The following AFF2 variants were observed in gnomAD, a reference collection of about 807,000 sequenced individuals.
The protein encoded by AFF2 is ALF transcription elongation factor 2, also known as AF4/FMR2 family member 2.
A neutral mutation model predicts 76.9 loss-of-function variants in AFF2; 14 were observed. The ratio of observed to expected loss-of-function variants is 0.18; its 90% confidence interval spans 0.12 to 0.28. AFF2 has a LOEUF of 0.28. Ranked by LOEUF, AFF2 falls within the 10% of genes least tolerant of loss-of-function variation. AFF2 has a pLI of 1.00. For synonymous variants in AFF2, 398 were observed against 366.7 expected (o/e 1.09, Z -0.98); for missense variants, 868 against 1,001.1 (o/e 0.87, Z 1.79).
At chrX:148,558,937 A>G (rs1557240048) in intron 1 of AFF2, among the ~76,000 whole-genome samples, 1 of 111,336 alleles carries the variant, frequency 9.0e-6, no homozygotes, top group East Asian at 2.9e-4. Context: ...GAAACATGCC[A>G]CTCAAATACT....
At chrX:148,953,788 C>G (rs1240175985) in intron 10 of AFF2, 49 bp downstream of exon 10, 17 of 1,013,879 alleles carry the variant, frequency 1.7e-5, no homozygotes, top group Non-Finnish European at 2.3e-5. Flanking sequence ...GTCCCACAGG[C>G]AGCACCCTCA....
intron 9 of AFF2, among the ~76,000 whole-genome samples, chrX:148,945,952 C>T (rs1003769703): frequency 1.8e-5 from 2 of 111,708 alleles, no homozygotes; most frequent in African/African-American, 6.5e-5. Flanking sequence ...GGAGACGGGG[C>T]ACAGGTAGGA....
At chrX:148,905,195 A>G (rs1351964761) in intron 9 of AFF2, among the ~76,000 whole-genome samples, 2 of 112,348 alleles carry the variant, frequency 1.8e-5, no homozygotes, top group Non-Finnish European at 1.9e-5. Flanking sequence ...CCAGAGCACC[A>G]GGGTAGCATT....
Position 148,995,478 on chromosome X carries a change from T to TGG in AFF2, c.*4150_*4151dup, listed in dbSNP as rs1168953713. The TGG allele has an allele frequency of 2.6e-4, 4 of 15,545 alleles. No individual in the cohort carries two copies. The highest frequency in any genetic ancestry group is 3.2e-4 in the African/African-American group (4 of 12,681). 1.3% of individuals were successfully genotyped at this position (15,545 alleles called of 1,213,427 possible). ...CATTGTGGGGAGGGCAGAAAGGGGG[T>TGG]GGGGGTGGGGGCGGGGGGGTGGGGG... is the stretch of plus-strand genomic sequence containing the variant. On this transcript the variant is annotated 3_prime_UTR_variant, in exon 21 of 21. Coordinates refer to ENST00000370460, the MANE Select transcript of AFF2 (RefSeq NM_002025.4).
Position 148,894,951 on chromosome X carries a change from A to G in AFF2, c.1359+8966A>G, listed in dbSNP as rs1557280148. On this transcript the variant is annotated intron_variant, in intron 8 of 20. Transcript: ENST00000370460. ...CTATTTAGCCATAAAAGAGTATAAA[A>G]TCCTGTCATTTCTGGCAACATTGCT... Among the ~76,000 whole-genome samples the G allele has an allele frequency of 2.7e-5, 3 of 111,203 alleles. No individual in the cohort carries two copies. In the Admixed American group the frequency reaches 2.9e-4, roughly 11 times the overall value.
rs111442342 is a variant in AFF2, at chrX:148,953,441, G to A, written c.1398-139G>A. 4.9e-3 allele frequency: 3,218 copies of A among 661,890 alleles called. 6 individuals are homozygous for A. The highest frequency in any genetic ancestry group is 0.013 in the Middle Eastern group (27 of 2,117). The allele number at this position is 661,890 out of a possible 1,213,427, so 54.5% of individuals were successfully genotyped here. On this transcript the variant is annotated intron_variant, in intron 9 of 20. Transcript: ENST00000370460. Reference sequence around the variant, plus strand: ...AGTCACTGGGCCTCCTAAGCCTCACGTTTCCTATCTATAAAATGGGAACGG... The same window carrying A: ...AGTCACTGGGCCTCCTAAGCCTCACATTTCCTATCTATAAAATGGGAACGG...
intron 3 of AFF2, among the ~76,000 whole-genome samples, chrX:148,694,159 G>A (rs1283247273): frequency 2.6e-5 from 2 of 78,257 alleles, no homozygotes; most frequent in African/African-American, 8.5e-5. Flanking sequence ...TCACACTCTG[G>A]GGACTGTTGT....
intron 1 of AFF2, among the ~76,000 whole-genome samples, chrX:148,518,882 CTGT>C (rs2052566377): frequency 9.0e-6 from 1 of 111,642 alleles, no homozygotes; most frequent in African/African-American, 3.3e-5. Flanking sequence ...AATATTTTGT[CTGT>C]TGTTGGTTGG....
chrX:148,835,631 C>G (rs192618162), intron 4 of AFF2, among the ~76,000 whole-genome samples: 1 of 108,690 alleles, frequency 9.2e-6, no homozygotes, highest in Non-Finnish European at 1.9e-5. Context: ...ACTATAGGCG[C>G]GCACCACCAT....
intron 19 of AFF2, among the ~76,000 whole-genome samples, chrX:148,982,945 A>C (rs987078148): frequency 8.9e-6 from 1 of 112,754 alleles, no homozygotes; most frequent in Non-Finnish European, 1.9e-5. Context: ...TCAAAATATA[A>C]TAACAATTAC....
chrX:148,570,569 T>A (rs2053218168), intron 1 of AFF2, among the ~76,000 whole-genome samples: 1 of 111,949 alleles, frequency 8.9e-6, no homozygotes, highest in African/African-American at 3.2e-5. Flanking sequence ...TCCTTCTACC[T>A]GAGACACAGG....
intron 7 of AFF2, among the ~76,000 whole-genome samples, chrX:148,876,348 T>C (rs1342829724): frequency 8.9e-6 from 1 of 112,123 alleles, no homozygotes. Flanking sequence ...ATTGCTACAC[T>C]GAGCTTTTCA....
chrX:148,838,371 C>T (rs1371483671), intron 5 of AFF2, among the ~76,000 whole-genome samples: 2 of 111,758 alleles, frequency 1.8e-5, no homozygotes, highest in Non-Finnish European at 3.8e-5. Flanking sequence ...AAATCATTTA[C>T]TGAGAAGATA....
At chrX:148,556,818 T>C (rs1221130275) in intron 1 of AFF2, among the ~76,000 whole-genome samples, 2 of 112,389 alleles carry the variant, frequency 1.8e-5, no homozygotes, top group Non-Finnish European at 3.8e-5. Flanking sequence ...AGGCACCATC[T>C]TATTCCAACA....
chrX:148,552,117 C>T (rs1557239034), intron 1 of AFF2, among the ~76,000 whole-genome samples: 1 of 112,602 alleles, frequency 8.9e-6, no homozygotes, highest in East Asian at 2.8e-4. Flanking sequence ...TGGACCCCAC[C>T]ATGTGTACCT....
intron 9 of AFF2, among the ~76,000 whole-genome samples, chrX:148,943,538 A>G (rs781943888): frequency 2.7e-5 from 3 of 112,303 alleles, no homozygotes; most frequent in East Asian, 5.6e-4. Flanking sequence ...GTGAATAGGT[A>G]TCCTTCGATA....
intron 7 of AFF2, among the ~76,000 whole-genome samples, chrX:148,848,203 C>G (rs782662659): frequency 9.0e-6 from 1 of 110,574 alleles, no homozygotes; most frequent in Admixed American, 9.7e-5. Context: ...GAAATTATAC[C>G]GCTCTGTTTT....
Position 148,956,630 on chromosome X carries a change from G to A in AFF2, c.2568+17G>A. 8.4e-7 allele frequency: 1 copy of A among 1,184,607 alleles called. No individual in the cohort carries two copies. Reference sequence around the variant, plus strand: ...AAGCACAAGGTAAGCTGTCTAAAGTGGCCTGCCAAGTGCTTGTGAGCAGTG... The same window carrying A: ...AAGCACAAGGTAAGCTGTCTAAAGTAGCCTGCCAAGTGCTTGTGAGCAGTG... On this transcript the variant is annotated intron_variant, in intron 11 of 20. Transcript: ENST00000370460.
intron 1 of AFF2, among the ~76,000 whole-genome samples, chrX:148,561,878 G>GA (rs1216775135): frequency 8.0e-4 from 84 of 105,005 alleles, no homozygotes; most frequent in Middle Eastern, 5.0e-3. Flanking sequence ...TTTACTAAAA[G>GA]AAAAAAAAAA....
Sources: gnomAD v4.1 joint callset for allele counts (sites outside exome capture counted in the v4.1 genomes callset) on GRCh38, gnomAD v4.1.1 for gene constraint, MANE v1.5 for transcripts, NCBI Gene and HGNC (gene_info 2026-07-23, HGNC 2026-07-21) for gene names.